AFG2A: variants seen among roughly 807,000 people sequenced by gnomAD.
AFG2A encodes AAA ATPase AFG2A, also known as ATPase family gene 2 protein homolog A.
the AFG2A span, among the ~76,000 whole-genome samples, chr4:123,085,506 A>T: frequency 6.6e-6 from 1 of 151,776 alleles, no homozygotes. Context: ...GTCTGGAATC[A>T]ATATAGCTAC....
chr4:123,095,712 A>AC, the AFG2A span, among the ~76,000 whole-genome samples: 1 of 151,780 alleles, frequency 6.6e-6, no homozygotes, highest in East Asian at 1.9e-4. Flanking sequence ...AAACTGATTA[A>AC]AAAAAAAGAT....
At chr4:123,227,209 C>T in the AFG2A span, among the ~76,000 whole-genome samples, 50 of 152,080 alleles carry the variant, frequency 3.3e-4, no homozygotes, top group Non-Finnish European at 6.5e-4. Context: ...TGTCTATTTC[C>T]TTCAGTTCTG....
At chr4:123,160,609 C>G in the AFG2A span, among the ~76,000 whole-genome samples, 1 of 152,134 alleles carries the variant, frequency 6.6e-6, no homozygotes, top group Non-Finnish European at 1.5e-5. Flanking sequence ...TCCTATTTGT[C>G]CCTTGCTAAA....
the AFG2A span, among the ~76,000 whole-genome samples, chr4:123,207,194 G>A: frequency 1.3e-5 from 2 of 151,766 alleles, no homozygotes; most frequent in African/African-American, 4.8e-5. Context: ...CTACGTAAAA[G>A]TGATAGGGTA....
the AFG2A span, among the ~76,000 whole-genome samples, chr4:122,997,651 A>C: frequency 6.6e-6 from 1 of 152,160 alleles, no homozygotes; most frequent in Non-Finnish European, 1.5e-5. Context: ...TTTAAGGTAC[A>C]TATCTGGAAG....
the AFG2A span, among the ~76,000 whole-genome samples, chr4:123,134,595 A>AT: frequency 0.51 from 67,388 of 132,462 alleles, 18,629 homozygotes; most frequent in Non-Finnish European, 0.62. Context: ...GAATTTTAGG[A>AT]TTTTTTTTTT....
At chr4:123,027,119 G>A in the AFG2A span, among the ~76,000 whole-genome samples, 3 of 152,004 alleles carry the variant, frequency 2.0e-5, no homozygotes, top group Admixed American at 2.0e-4. Flanking sequence ...AGCTCAAGGT[G>A]TGTTTTTTTT....
At chr4:123,269,492 AC>A in the AFG2A span, among the ~76,000 whole-genome samples, 4 of 152,252 alleles carry the variant, frequency 2.6e-5, no homozygotes, top group Admixed American at 1.3e-4. Context: ...TGTGAAATGA[AC>A]ACTAAAAGTC....
chr4:123,177,693 A>T, the AFG2A span, among the ~76,000 whole-genome samples: 2 of 152,194 alleles, frequency 1.3e-5, no homozygotes, highest in South Asian at 4.1e-4. Flanking sequence ...AAGAAAACTT[A>T]ACTTTGATTT....
the AFG2A span, among the ~76,000 whole-genome samples, chr4:123,109,933 T>C: frequency 6.6e-6 from 1 of 152,186 alleles, no homozygotes; most frequent in Non-Finnish European, 1.5e-5. Flanking sequence ...TGGCTATATT[T>C]TGCTAATTCA....
At chr4:122,939,289 T>TAGC in the AFG2A span, among the ~76,000 whole-genome samples, 1 of 151,816 alleles carries the variant, frequency 6.6e-6, no homozygotes, top group Non-Finnish European at 1.5e-5. Flanking sequence ...TTCTCCATGT[T>TAGC]CAGGCTGGTC....
the AFG2A span, among the ~76,000 whole-genome samples, chr4:123,108,114 C>T: frequency 1.3e-5 from 2 of 152,224 alleles, no homozygotes; most frequent in South Asian, 4.1e-4. Context: ...TCTAGCCGCA[C>T]CTACCCAGTG....
chr4:123,029,877 G>C, the AFG2A span, among the ~76,000 whole-genome samples: 1 of 151,964 alleles, frequency 6.6e-6, no homozygotes, highest in African/African-American at 2.4e-5. Context: ...GCCTCAAGCA[G>C]CCCTCCCACC....
chr4:123,157,198 T>G, the AFG2A span, among the ~76,000 whole-genome samples: 1 of 151,708 alleles, frequency 6.6e-6, no homozygotes. Flanking sequence ...GTATTTTTTT[T>G]TTTTAAGTAG....
At chr4:123,301,289 A>G in the AFG2A span, among the ~76,000 whole-genome samples, 1 of 152,218 alleles carries the variant, frequency 6.6e-6, no homozygotes. Context: ...ACCAATTGAA[A>G]TAGTATCTAG....
chr4:122,983,668 T>TA, the AFG2A span, among the ~76,000 whole-genome samples: 1 of 152,232 alleles, frequency 6.6e-6, no homozygotes, highest in African/African-American at 2.4e-5. Flanking sequence ...ACAGAAAAGA[T>TA]ACGTGATATG....
chr4:123,067,960 C>A, the AFG2A span, among the ~76,000 whole-genome samples: 1 of 152,114 alleles, frequency 6.6e-6, no homozygotes. Flanking sequence ...TTTTAAGATA[C>A]CGTAATATCC....
At chr4:123,166,991 A>G in the AFG2A span, among the ~76,000 whole-genome samples, 1 of 152,014 alleles carries the variant, frequency 6.6e-6, no homozygotes, top group East Asian at 1.9e-4. Flanking sequence ...ACTCATTTAC[A>G]CTGTGTCCTT....
the AFG2A span, among the ~76,000 whole-genome samples, chr4:123,153,076 C>A: frequency 2.0e-5 from 3 of 152,168 alleles, no homozygotes; most frequent in African/African-American, 7.2e-5. Flanking sequence ...TTTATTAATT[C>A]TTCCATTATC....
Sources: gnomAD v4.1 joint callset for allele counts (sites outside exome capture counted in the v4.1 genomes callset) on GRCh38, gnomAD v4.1.1 for gene constraint, MANE v1.5 for transcripts, NCBI Gene and HGNC (gene_info 2026-07-23, HGNC 2026-07-21) for gene names.